Variants in GLIS3 observed in about 807,000 individuals in gnomAD.
GLIS3 encodes zinc finger protein GLIS3.
Under a neutral mutation model 78.6 loss-of-function variants are expected in GLIS3, and 53 were observed. The observed-to-expected ratio is 0.67, with a 90% CI of 0.54 to 0.85. The LOEUF is 0.85. GLIS3 is among the 40% of genes least tolerant of loss of function. The pLI is 0.00. For missense variants in GLIS3, 1,703 were observed against 1,231.1 expected, an observed-to-expected ratio of 1.38 and a Z score of -5.74; for synonymous variants, 684 against 509.9, an observed-to-expected ratio of 1.34 and a Z score of -4.60.
Position 4,073,569 on chromosome 9 carries a change from CA to C in GLIS3, c.1710+44198del, listed in dbSNP as rs1419737026. 3.3e-5 allele frequency among the ~76,000 whole-genome samples: 5 copies of C among 152,250 alleles called. No homozygotes were observed. The East Asian group carries it at 9.7e-4, about 29-fold the overall frequency. On this transcript the variant is annotated intron_variant, in intron 4 of 10. Transcript: ENST00000381971. ...AGCTAAGAAATACAACGCACAGCTG[CA>C]AAGCAGAAACTCAGGATTGCCCCTG...
intron 2 of GLIS3, among the ~76,000 whole-genome samples, chr9:4,247,640 C>G (rs184158991): frequency 1.1e-4 from 16 of 151,972 alleles, no homozygotes; most frequent in African/African-American, 3.4e-4. Flanking sequence ...GGGAAAGATA[C>G]AGACAATTCA....
intron 4 of GLIS3, among the ~76,000 whole-genome samples, chr9:4,023,968 A>C (rs1412062736): frequency 6.6e-6 from 1 of 152,074 alleles, no homozygotes; most frequent in Admixed American, 6.6e-5. Context: ...TGGTGAATCT[A>C]GTCATGAAGA....
chr9:4,301,341 C>G (rs1386322290), upstream of GLIS3, among the ~76,000 whole-genome samples: 1 of 152,124 alleles, frequency 6.6e-6, no homozygotes, highest in Non-Finnish European at 1.5e-5. Flanking sequence ...TATTCAAGCC[C>G]AAGATGGCAA....
At chr9:4,211,601 T>A (rs1820380041) in intron 2 of GLIS3, among the ~76,000 whole-genome samples, 1 of 152,208 alleles carries the variant, frequency 6.6e-6, no homozygotes, top group African/African-American at 2.4e-5. Flanking sequence ...TGAAGCAACT[T>A]TGCAAAACAG....
intron 2 of GLIS3, among the ~76,000 whole-genome samples, chr9:4,136,721 G>T (rs549187147): frequency 1.3e-5 from 2 of 152,270 alleles, no homozygotes; most frequent in South Asian, 4.2e-4. Flanking sequence ...AATGCGTCCT[G>T]GAGAAACAAA....
At position 3,828,505 on chromosome 9, in the gene GLIS3, G is replaced by A. The variant is rs41278333; in HGVS notation, c.2657-97C>T. ...TAATGCAGCTCACCAAGTGAGGACT[G>A]GGGGCTAAGGAGGCAACCATGCCAG... On this transcript the variant is annotated intron_variant, in intron 10 of 10. Transcript: ENST00000381971. The A allele has an allele frequency of 1.7e-3, 2,532 of 1,513,860 alleles. 3 individuals are homozygous for A. Among genetic ancestry groups the A allele is most frequent in the Non-Finnish European group, 2.2e-3 (2,382 of 1,106,116 alleles). The allele number at this position is 1,513,860 out of a possible 1,614,324, so 93.8% of individuals were successfully genotyped here. A position where few individuals can be genotyped will look rare whatever the true frequency, so the allele number is the denominator to read the frequency against.
chr9:4,241,970 C>T (rs1823364630), intron 2 of GLIS3, among the ~76,000 whole-genome samples: 1 of 152,224 alleles, frequency 6.6e-6, no homozygotes, highest in African/African-American at 2.4e-5. Flanking sequence ...AGGCATCGGC[C>T]ACCGTGCCTG....
intron 4 of GLIS3, among the ~76,000 whole-genome samples, chr9:4,078,470 T>C (rs1828267493): frequency 6.6e-6 from 1 of 152,204 alleles, no homozygotes; most frequent in South Asian, 2.1e-4. Context: ...TCTTCTTGCA[T>C]GGCCTCAAGG....
chr9:4,003,781 T>C (rs570025942), intron 4 of GLIS3, among the ~76,000 whole-genome samples: 3 of 152,330 alleles, frequency 2.0e-5, no homozygotes, highest in East Asian at 3.9e-4. Context: ...AGCTGTCTCA[T>C]GGAAATAAGT....
intron 4 of GLIS3, among the ~76,000 whole-genome samples, chr9:4,008,806 G>A (rs904190036): frequency 6.6e-6 from 1 of 152,204 alleles, no homozygotes; most frequent in Admixed American, 6.5e-5. Context: ...AAACTTTAGA[G>A]ATGACTCTGT....
At chr9:3,972,801 T>C (rs140858671) in intron 4 of GLIS3, among the ~76,000 whole-genome samples, 1 of 152,310 alleles carries the variant, frequency 6.6e-6, no homozygotes, top group East Asian at 1.9e-4. Flanking sequence ...TTTTAAAAAA[T>C]GATTTAAGAG....
At chr9:4,057,124 C>T (rs777070763) in intron 4 of GLIS3, among the ~76,000 whole-genome samples, 2 of 151,962 alleles carry the variant, frequency 1.3e-5, no homozygotes, top group African/African-American at 2.4e-5. Context: ...CTTCATGAAG[C>T]GTCAACAATG....
intron 4 of GLIS3, among the ~76,000 whole-genome samples, chr9:4,050,616 T>A (rs10814821): frequency 0.2 from 29,953 of 151,948 alleles, 3,516 homozygotes; most frequent in East Asian, 0.45. Context: ...AAAAGTAATT[T>A]TAAAAAAATC....
intron 2 of GLIS3, among the ~76,000 whole-genome samples, chr9:4,228,884 G>C (rs530120053): frequency 6.6e-6 from 1 of 152,314 alleles, no homozygotes; most frequent in East Asian, 1.9e-4. Context: ...CTACCCACCA[G>C]AAGGGCCAGA....
chr9:4,418,986 G>C, the GLIS3 span, among the ~76,000 whole-genome samples: 12 of 152,170 alleles, frequency 7.9e-5, no homozygotes, highest in African/African-American at 2.9e-4. Flanking sequence ...GGTGGAAACC[G>C]AATTGCTGAA....
intron 2 of GLIS3, chr9:4,145,081 G>A (rs1466827126): frequency 1.3e-5 from 2 of 152,186 alleles, no homozygotes; most frequent in Non-Finnish European, 2.9e-5. Flanking sequence ...CTTCATAAAG[G>A]TAAGGCAGAT....
intron 8 of GLIS3, among the ~76,000 whole-genome samples, chr9:3,879,193 G>C (rs1285209835): frequency 1.3e-5 from 2 of 152,182 alleles, no homozygotes; most frequent in Non-Finnish European, 2.9e-5. Flanking sequence ...TCCAGCATCT[G>C]AAACTTTGGC....
intron 2 of GLIS3, among the ~76,000 whole-genome samples, chr9:4,275,538 T>C (rs1384175786): frequency 6.6e-6 from 1 of 151,408 alleles, no homozygotes; most frequent in East Asian, 1.9e-4. Context: ...GGTGGAAGGA[T>C]CGTTTGAGCC....
At position 4,171,821 on chromosome 9, in the gene GLIS3, T is replaced by G. The variant is rs149182084; in HGVS notation, c.389-45880A>C. On this transcript the variant is annotated intron_variant, in intron 2 of 10. Coordinates refer to ENST00000381971, the MANE Select transcript of GLIS3 (RefSeq NM_001042413.2). ...ACAGTACCATACGCAGAACAAATAC[T>G]CAAACGTCAAATTGGCTGATGATTA... 7.2e-3 allele frequency among the ~76,000 whole-genome samples: 1,093 copies of G among 152,288 alleles called. 9 individuals carry two copies. Among genetic ancestry groups the G allele is most frequent in the Middle Eastern group, 0.02 (6 of 294 alleles).
Sources: allele counts gnomAD v4.1 joint callset (sites outside exome capture counted in the v4.1 genomes callset), GRCh38; gene constraint gnomAD v4.1.1; transcripts MANE v1.5; gene names NCBI Gene and HGNC (gene_info 2026-07-23, HGNC 2026-07-21).